TRAPPC9: variants seen among roughly 807,000 people sequenced by gnomAD.
TRAPPC9 encodes IKK2 binding protein.
In TRAPPC9, 83 loss-of-function variants were observed where a neutral mutation model predicts 124.0. The observed-to-expected ratio is 0.67, with a 90% CI of 0.56 to 0.80. The LOEUF is 0.80. Among genes scored for constraint, TRAPPC9 ranks in the 30% least tolerant of loss-of-function variants. The probability of loss-of-function intolerance (pLI) is 0.00; values close to 1 mark genes in which losing one functional copy is unlikely to be tolerated. For missense variants in TRAPPC9, 1,302 were observed against 1,508.3 expected, an observed-to-expected ratio of 0.86 and a Z score of 2.27; for synonymous variants, 638 against 617.5, an observed-to-expected ratio of 1.03 and a Z score of -0.49.
chr8:140,272,384 ATGGTGATGG>A (rs1228093503), intron 15 of TRAPPC9, among the ~76,000 whole-genome samples: 10 of 125,150 alleles, frequency 8.0e-5, no homozygotes, highest in Middle Eastern at 4.6e-3. Context: ...GGTGGTGATG[ATGGTGATGG>A]TGGCGATGGT....
intron 17 of TRAPPC9, among the ~76,000 whole-genome samples, chr8:140,033,658 G>GTTTTTTTTTTTTTTTTTT (rs776155126): frequency 7.1e-5 from 3 of 42,398 alleles, no homozygotes; most frequent in Non-Finnish European, 1.1e-4. Context: ...TCATAATGTG[G>GTTTTTTTTTTTTTTTTTT]TTTTTTTTTT....
At position 140,268,619 on chromosome 8, in the gene TRAPPC9, C is replaced by T. The variant is rs1206356275; in HGVS notation, c.2278+7039G>A. ...GGCCTTTGTTTTTATGCCGGCTCCT[C>T]GTGCAGCTGACCTGTGACCTGAGGC... On this transcript the variant is annotated intron_variant, in intron 15 of 22. Coordinates refer to ENST00000438773, the MANE Select transcript of TRAPPC9 (RefSeq NM_001160372.4). Among the ~76,000 whole-genome samples, 6 of 152,284 alleles carry T rather than the reference C, an allele frequency of 3.9e-5. No homozygotes were observed. In the South Asian group the frequency reaches 6.2e-4, roughly 16 times the overall value.
chr8:140,005,923 A>AAGG (rs1259813443), intron 18 of TRAPPC9, among the ~76,000 whole-genome samples: 424 of 151,450 alleles, frequency 2.8e-3, no homozygotes, highest in Middle Eastern at 6.9e-3. Flanking sequence ...AAAAAAAAAA[A>AAGG]AGGAGGAGGA....
At chr8:139,852,317 C>CT (rs1479169319) in intron 21 of TRAPPC9, among the ~76,000 whole-genome samples, 2 of 152,214 alleles carry the variant, frequency 1.3e-5, no homozygotes, top group East Asian at 3.8e-4. Flanking sequence ...AATACAGTCT[C>CT]TGAGATCTAA....
At chr8:139,850,513 T>A (rs1285259738) in intron 21 of TRAPPC9, among the ~76,000 whole-genome samples, 1 of 152,190 alleles carries the variant, frequency 6.6e-6, no homozygotes, top group Non-Finnish European at 1.5e-5. Context: ...TCAGAAGTCA[T>A]CATAATTGTT....
chr8:140,448,155 A>C (rs373157303), intron 2 of TRAPPC9, among the ~76,000 whole-genome samples: 26 of 151,204 alleles, frequency 1.7e-4, no homozygotes, highest in Admixed American at 1.3e-3. Context: ...CAAAAAAAAA[A>C]AAAAAAAAAA....
intron 21 of TRAPPC9, among the ~76,000 whole-genome samples, chr8:139,783,289 C>A (rs574921704): frequency 6.6e-6 from 1 of 152,162 alleles, no homozygotes; most frequent in South Asian, 2.1e-4. Context: ...AATCTCTAGC[C>A]AAACTGATCA....
chr8:140,055,499 C>A (rs1842244126), intron 17 of TRAPPC9, among the ~76,000 whole-genome samples: 1 of 152,184 alleles, frequency 6.6e-6, no homozygotes, highest in Admixed American at 6.5e-5. Context: ...CTATTCAACA[C>A]AGTAGTGGAA....
At chr8:139,989,024 G>C (rs924668565) in intron 18 of TRAPPC9, among the ~76,000 whole-genome samples, 188 bp from the exon 19 acceptor site, 7 of 152,214 alleles carry the variant, frequency 4.6e-5, no homozygotes, top group African/African-American at 1.7e-4. Flanking sequence ...TAAGGAGTGG[G>C]TGTAGGCATC....
chr8:139,777,036 TCA>T (rs1243939025), intron 21 of TRAPPC9, among the ~76,000 whole-genome samples: 1 of 152,156 alleles, frequency 6.6e-6, no homozygotes, highest in African/African-American at 2.4e-5. Context: ...CTTCCACTCT[TCA>T]CACACACCAC....
chr8:139,978,822 G>A (rs1319435467), intron 19 of TRAPPC9, among the ~76,000 whole-genome samples: 1 of 152,254 alleles, frequency 6.6e-6, no homozygotes, highest in African/African-American at 2.4e-5. Context: ...GGACAGATGA[G>A]GGGCTGAAGG....
chr8:139,886,734 T>C (rs1830039482), intron 20 of TRAPPC9, among the ~76,000 whole-genome samples: 1 of 152,182 alleles, frequency 6.6e-6, no homozygotes, highest in Non-Finnish European at 1.5e-5. Context: ...AACAAACACA[T>C]CCAGTTCATC....
At chr8:140,434,318 C>T (rs2070741080) in intron 4 of TRAPPC9, among the ~76,000 whole-genome samples, 1 of 152,206 alleles carries the variant, frequency 6.6e-6, no homozygotes, top group Admixed American at 6.5e-5. Context: ...GTTCATTCAT[C>T]AAGGACCAAA....
chr8:140,007,568 G>A (rs1450249575), intron 18 of TRAPPC9, among the ~76,000 whole-genome samples: 1 of 152,078 alleles, frequency 6.6e-6, no homozygotes, highest in African/African-American at 2.4e-5. Context: ...CTTTAAAAAT[G>A]CAAAATGCAA....
At chr8:139,858,675 C>T (rs961067000) in intron 21 of TRAPPC9, among the ~76,000 whole-genome samples, 13 of 152,048 alleles carry the variant, frequency 8.5e-5, no homozygotes, top group Admixed American at 8.5e-4. Context: ...CAAGAGTCTG[C>T]TCGTCCATGA....
At chr8:140,205,755 C>T (rs1198570485) in intron 17 of TRAPPC9, among the ~76,000 whole-genome samples, 1 of 152,190 alleles carries the variant, frequency 6.6e-6, no homozygotes, top group African/African-American at 2.4e-5. Context: ...TGTGGGCTCC[C>T]GCTCACCACC....
intron 21 of TRAPPC9, among the ~76,000 whole-genome samples, chr8:139,763,850 A>G (rs1046403386): frequency 3.3e-5 from 5 of 152,230 alleles, no homozygotes; most frequent in Admixed American, 6.5e-5. Flanking sequence ...TGGAGCAGGC[A>G]TAGTGTGGAA....
At chr8:140,238,261 T>C (rs2063769070) in intron 16 of TRAPPC9, 1 of 152,184 alleles carries the variant, frequency 6.6e-6, no homozygotes, top group South Asian at 2.1e-4. Context: ...GAAGTTATTT[T>C]CCAACCCAAA....
chr8:140,353,425 C>T lies in TRAPPC9; in HGVS notation c.1495+6625G>A, dbSNP rs991464568. Among the ~76,000 whole-genome samples the T allele has an allele frequency of 6.6e-6, 1 of 152,144 alleles. No homozygotes were observed. The highest frequency in any genetic ancestry group is 1.5e-5 in the Non-Finnish European group (1 of 68,034). On this transcript the variant is annotated intron_variant, in intron 9 of 22. Transcript: ENST00000438773. This position sits in a 1 kb window ranked among gnomAD's most constrained non-coding sequence, Gnocchi z 4.2. The stretch of plus-strand genomic sequence containing the variant: ...CGTAAGTATTGATAACCGCACTTCA[C>T]TCACAGTAGCAGAGCCTACATATGG...
Sources: allele counts gnomAD v4.1 joint callset (sites outside exome capture counted in the v4.1 genomes callset), GRCh38; gene constraint gnomAD v4.1.1; non-coding constraint Gnocchi (gnomAD v3.1); transcripts MANE v1.5; gene names NCBI Gene and HGNC (gene_info 2026-07-23, HGNC 2026-07-21).